The following MAPK10 variants were observed in gnomAD, a reference collection of about 807,000 sequenced individuals.
MAPK10 encodes the protein mitogen-activated protein kinase 10.
MAPK10 carries 25 observed loss-of-function variants against 59.3 expected under a neutral mutation model. The ratio of observed to expected loss-of-function variants is 0.42; its 90% CI spans 0.31 to 0.59. MAPK10 has a LOEUF of 0.59. MAPK10 is among the 20% of genes least tolerant of loss of function. The pLI, the probability that MAPK10 is intolerant of heterozygous loss-of-function variation, is 0.15. For missense variants in MAPK10, 351 were observed against 568.9 expected, an observed-to-expected ratio of 0.62 and a Z score of 3.90; for synonymous variants, 190 against 200.5, an observed-to-expected ratio of 0.95 and a Z score of 0.44.
chr4:86,447,279 C>A (rs1468393256), intron 1 of MAPK10, among the ~76,000 whole-genome samples: 2 of 152,184 alleles, frequency 1.3e-5, no homozygotes, highest in Non-Finnish European at 2.9e-5. Context: ...TTTCTTCTCT[C>A]TCCTGTTGCC....
chr4:86,034,183 T>C (rs2039693246), intron 11 of MAPK10, among the ~76,000 whole-genome samples: 1 of 152,210 alleles, frequency 6.6e-6, no homozygotes, highest in Non-Finnish European at 1.5e-5. Flanking sequence ...ACATTAAAGA[T>C]AGTATATGAA....
chr4:86,345,874 T>C (rs1350332958), intron 2 of MAPK10, among the ~76,000 whole-genome samples: 1 of 152,216 alleles, frequency 6.6e-6, no homozygotes, highest in Non-Finnish European at 1.5e-5. Context: ...CCAAAATCCA[T>C]TACGACCAAT....
intron 3 of MAPK10, among the ~76,000 whole-genome samples, chr4:86,162,021 C>T (rs968173407): frequency 6.6e-6 from 1 of 151,850 alleles, no homozygotes; most frequent in Admixed American, 6.6e-5. Flanking sequence ...AAGAGCTACC[C>T]TATTTAATAT....
intron 11 of MAPK10, among the ~76,000 whole-genome samples, chr4:86,041,962 C>T (rs953106294): frequency 6.6e-6 from 1 of 152,232 alleles, no homozygotes; most frequent in Admixed American, 6.5e-5. Context: ...AATCCCATTA[C>T]TGGGTATATA....
At chr4:86,492,613 C>T (rs191512664) in intron 1 of MAPK10, among the ~76,000 whole-genome samples, 70 of 152,068 alleles carry the variant, frequency 4.6e-4, no homozygotes, top group African/African-American at 1.6e-3. Flanking sequence ...TGCTTATTTC[C>T]CAGGGTGGAG....
intron 1 of MAPK10, among the ~76,000 whole-genome samples, chr4:86,512,900 C>T (rs1008738889): frequency 1.8e-4 from 28 of 152,154 alleles, no homozygotes; most frequent in African/African-American, 6.5e-4. Flanking sequence ...ATTCCTCAGA[C>T]AGCTTTTCCC....
chr4:86,299,270 A>G (rs1479618004), intron 2 of MAPK10, among the ~76,000 whole-genome samples: 1 of 152,232 alleles, frequency 6.6e-6, no homozygotes, highest in Non-Finnish European at 1.5e-5. Context: ...GTTTTTGGCA[A>G]CATATATTTA....
At chr4:86,369,319 T>C (rs1377716277) in intron 1 of MAPK10, among the ~76,000 whole-genome samples, 1 of 152,206 alleles carries the variant, frequency 6.6e-6, no homozygotes, top group Non-Finnish European at 1.5e-5. Context: ...CCATCACTAC[T>C]TGCTAAAAAT....
chr4:86,033,655 T>G (rs1176912094), intron 11 of MAPK10, among the ~76,000 whole-genome samples: 1 of 152,236 alleles, frequency 6.6e-6, no homozygotes, highest in East Asian at 1.9e-4. Flanking sequence ...TGCAAAGTGC[T>G]GAGTTCAAGA....
intron 13 of MAPK10, chr4:86,024,207 G>A (rs1440879697): frequency 6.6e-6 from 1 of 151,892 alleles, no homozygotes; most frequent in Non-Finnish European, 1.5e-5. Flanking sequence ...ACAATTTGAT[G>A]TTTACAAATA....
intron 2 of MAPK10, among the ~76,000 whole-genome samples, chr4:86,306,873 G>C (rs1417640713): frequency 1.3e-5 from 2 of 152,144 alleles, no homozygotes; most frequent in East Asian, 3.8e-4. Context: ...CTCTCCGTGT[G>C]CCCACATTTA....
chr4:86,558,060 A>T (rs1760401617), intron 1 of MAPK10, among the ~76,000 whole-genome samples: 1 of 152,140 alleles, frequency 6.6e-6, no homozygotes, highest in African/African-American at 2.4e-5. Flanking sequence ...ACACCTAATT[A>T]GTTTACTAAT....
chr4:86,327,585 CATT>C (rs2096056966), intron 2 of MAPK10: 1 of 151,292 alleles, frequency 6.6e-6, no homozygotes, highest in African/African-American at 2.4e-5. Context: ...TGAAGGGCAA[CATT>C]ATTTCAATAT....
intron 1 of MAPK10, among the ~76,000 whole-genome samples, chr4:86,464,622 C>T (rs767100830): frequency 6.6e-5 from 10 of 152,106 alleles, no homozygotes; most frequent in African/African-American, 9.7e-5. Flanking sequence ...GAGATCAAGA[C>T]CATCCTGGCT....
chr4:86,129,134 G>GA (rs1272260895), intron 4 of MAPK10, among the ~76,000 whole-genome samples: 6 of 152,116 alleles, frequency 3.9e-5, no homozygotes, highest in African/African-American at 1.4e-4. Context: ...TTTCTGGACA[G>GA]ATGTTAGCAT....
chr4:86,073,980 T>A (rs1208292078), intron 9 of MAPK10, among the ~76,000 whole-genome samples: 4 of 100,018 alleles, frequency 4.0e-5, no homozygotes, highest in Non-Finnish European at 8.3e-5. Flanking sequence ...ATCTGTCTAA[T>A]GTTGACAGTG....
At chr4:86,208,106 C>T (rs1010538827) in intron 2 of MAPK10, among the ~76,000 whole-genome samples, 2 of 152,038 alleles carry the variant, frequency 1.3e-5, no homozygotes, top group Admixed American at 6.6e-5. Flanking sequence ...CAATAGCTTA[C>T]CAACCAAAAA....
intron 2 of MAPK10, among the ~76,000 whole-genome samples, chr4:86,292,765 C>T (rs1055222643): frequency 6.6e-6 from 1 of 152,016 alleles, no homozygotes; most frequent in African/African-American, 2.4e-5. Context: ...TTGAAAAGTG[C>T]CTACAAGTCA....
chr4:86,513,221 T>A (rs1389031708), intron 1 of MAPK10, among the ~76,000 whole-genome samples: 1 of 152,148 alleles, frequency 6.6e-6, no homozygotes, highest in Non-Finnish European at 1.5e-5. Context: ...TTTATTTTTT[T>A]ACTTTTTGTA....
Sources: gnomAD v4.1 joint callset for allele counts (sites outside exome capture counted in the v4.1 genomes callset) on GRCh38, gnomAD v4.1.1 for gene constraint, MANE v1.5 for transcripts, NCBI Gene and HGNC (gene_info 2026-07-23, HGNC 2026-07-21) for gene names.